Variants in RGS12 observed in about 807,000 individuals in gnomAD.
RGS12 encodes the protein regulator of G-protein signaling 12.
Under a neutral mutation model 120.1 loss-of-function variants are expected in RGS12, and 66 were observed. The observed-to-expected ratio is 0.55, with a 90% CI of 0.45 to 0.67. RGS12 has a LOEUF of 0.67. Among genes scored for constraint, RGS12 ranks in the 30% least tolerant of loss-of-function variants. The probability of loss-of-function intolerance (pLI) is 0.00; values close to 1 mark genes in which losing one functional copy is unlikely to be tolerated. For missense variants in RGS12, 1,859 were observed against 1,957.7 expected (o/e 0.95, Z 0.95); for synonymous variants, 827 against 804.7 (o/e 1.03, Z -0.47).
chr4:3,304,335 A>G (rs1180161436), intron 1 of RGS12, among the ~76,000 whole-genome samples: 1 of 152,234 alleles, frequency 6.6e-6, no homozygotes, highest in Non-Finnish European at 1.5e-5. Context: ...CCTGCTGCCT[A>G]AACGTAGGTT....
intron 4 of RGS12, among the ~76,000 whole-genome samples, chr4:3,405,723 A>T (rs939383198): frequency 6.6e-6 from 1 of 152,196 alleles, no homozygotes; most frequent in African/African-American, 2.4e-5. Context: ...GATAGTCTGG[A>T]AAAAGGTTGC....
At chr4:3,292,392 G>A (rs990745631), upstream of RGS12, among the ~76,000 whole-genome samples, 2 of 152,198 alleles carry the variant, frequency 1.3e-5, no homozygotes, top group East Asian at 3.9e-4. Context: ...CGCCTTCGCG[G>A]GCGTCCCGGG....
chr4:3,304,346 A>G (rs1209279373), intron 1 of RGS12, among the ~76,000 whole-genome samples: 1 of 152,216 alleles, frequency 6.6e-6, no homozygotes, highest in Admixed American at 6.5e-5. Flanking sequence ...AACGTAGGTT[A>G]TTAGTATTCA....
Position 3,361,691 on chromosome 4 carries a change from T to C in RGS12, c.1998+18638T>C, listed in dbSNP as rs570451103. 2.6e-5 allele frequency among the ~76,000 whole-genome samples: 4 copies of C among 152,232 alleles called. No homozygotes were observed. In the South Asian group the frequency reaches 8.3e-4, roughly 32 times the overall value. The stretch of plus-strand genomic sequence containing the variant: ...AAGAGGTGGAGGTCAGAGGATGACA[T>C]AGCTGCTCTGGGAATTGCAGGGGCG... On this transcript the variant is annotated intron_variant, in intron 3 of 17. Transcript: ENST00000336727.
intron 4 of RGS12, among the ~76,000 whole-genome samples, chr4:3,399,480 G>C (rs982749378): frequency 3.3e-5 from 5 of 152,028 alleles, no homozygotes; most frequent in Admixed American, 1.3e-4. Flanking sequence ...AGAGGAAGAG[G>C]ACAAAGATAA....
chr4:3,292,099 AC>A (rs1723054574), upstream of RGS12, among the ~76,000 whole-genome samples: 1 of 152,218 alleles, frequency 6.6e-6, no homozygotes, highest in Non-Finnish European at 1.5e-5. Flanking sequence ...TGGAGCGTGA[AC>A]AGCAGCGACG....
chr4:3,376,283 C>CAA (rs1232924983), intron 3 of RGS12, among the ~76,000 whole-genome samples: 1 of 122,408 alleles, frequency 8.2e-6, no homozygotes, highest in Non-Finnish European at 1.9e-5. Context: ...CACACACACA[C>CAA]ACACACACAC....
chr4:3,309,429 GCA>G (rs1724188004), intron 1 of RGS12, among the ~76,000 whole-genome samples: 1 of 141,990 alleles, frequency 7.0e-6, no homozygotes, highest in Non-Finnish European at 1.5e-5. Context: ...GGGGAACCGT[GCA>G]GGGGAGGAGC....
intron 2 of RGS12, among the ~76,000 whole-genome samples, chr4:3,331,388 A>G (rs1174151113): frequency 6.6e-6 from 1 of 152,184 alleles, no homozygotes; most frequent in Non-Finnish European, 1.5e-5. Context: ...GAATATGAAC[A>G]TATTTACTAA....
intron 3 of RGS12, among the ~76,000 whole-genome samples, chr4:3,362,612 C>T (rs1348986551): frequency 4.2e-5 from 4 of 96,244 alleles, no homozygotes; most frequent in Admixed American, 2.3e-4. Context: ...GCGAGGATGT[C>T]GTGAGGGGGT....
chr4:3,305,210 C>T (rs1723905965), intron 1 of RGS12, among the ~76,000 whole-genome samples: 1 of 152,198 alleles, frequency 6.6e-6, no homozygotes, highest in Non-Finnish European at 1.5e-5. Context: ...AAAACCTCAT[C>T]TTGGAAGTGA....
rs1722538626 is a variant in RGS12, at chr4:3,417,492, G to A, written c.2712G>A (p.Arg904=). 8 of 1,613,408 alleles carry A rather than the reference G, an allele frequency of 5.0e-6. No individual in the cohort carries two copies. In the East Asian group the frequency reaches 1.8e-4, roughly 36 times the overall value. Residue 904 remains arginine, a synonymous_variant, in exon 9 of 18, where the codon AGG becomes AGA. Transcript: ENST00000336727. ...KGAFFSWSRT[R]STGRSQKKRE... is the part of the protein sequence containing the mutation. ...CGTTTTTCTCGTGGTCGCGGACCAG[G>A]AGCACCGGGAGGTCCCAGAAAAAGA...
chr4:3,360,823 C>T (rs1225374850), intron 3 of RGS12, among the ~76,000 whole-genome samples: 1 of 152,158 alleles, frequency 6.6e-6, no homozygotes, highest in African/African-American at 2.4e-5. Context: ...CCTGAGAATG[C>T]AGCACGTCCA....
chr4:3,317,064 G>A lies in RGS12; in HGVS notation c.894G>A (p.Lys298=). Residue 298 remains lysine, a synonymous_variant, in exon 2 of 18, where the codon AAG becomes AAA. Transcript: ENST00000336727. The part of the protein sequence containing the change: ...AGVVAEYPAE[K]LAFSAVCPDD... Reference sequence around the variant, plus strand: ...TCGTGGCCGAGTACCCGGCCGAGAAGCTGGCCTTCAGCGCCGTGTGCCCGG... The same window carrying A: ...TCGTGGCCGAGTACCCGGCCGAGAAACTGGCCTTCAGCGCCGTGTGCCCGG... 1 of 1,613,706 alleles carries A rather than the reference G, an allele frequency of 6.2e-7. No homozygotes were observed. Among genetic ancestry groups the A allele is most frequent in the Non-Finnish European group, 8.5e-7 (1 of 1,180,048 alleles).
chr4:3,391,767 G>T (rs1210753489), intron 4 of RGS12, among the ~76,000 whole-genome samples: 1 of 142,364 alleles, frequency 7.0e-6, no homozygotes, highest in African/African-American at 3.1e-5. Flanking sequence ...GTGTTTGGGG[G>T]CCTCACCAGA....
At chr4:3,363,128 T>G (rs1715894195) in intron 3 of RGS12, among the ~76,000 whole-genome samples, 1 of 150,402 alleles carries the variant, frequency 6.6e-6, no homozygotes, top group Admixed American at 6.6e-5. Context: ...TGCGCATCAG[T>G]GAGTGTGGGG....
chr4:3,303,163 GT>G (rs879640225), intron 1 of RGS12, among the ~76,000 whole-genome samples: 1 of 152,232 alleles, frequency 6.6e-6, no homozygotes, highest in Non-Finnish European at 1.5e-5. Flanking sequence ...GCTGGACCCA[GT>G]GGGACAGGTG....
chr4:3,408,176 G>A (rs771389117), intron 4 of RGS12, among the ~76,000 whole-genome samples: 2 of 152,184 alleles, frequency 1.3e-5, no homozygotes, highest in African/African-American at 2.4e-5. Flanking sequence ...CATCCCTCCC[G>A]CGTTCTGGCC....
intron 4 of RGS12, among the ~76,000 whole-genome samples, chr4:3,387,775 T>C (rs374210617): frequency 1.3e-5 from 2 of 152,342 alleles, no homozygotes; most frequent in South Asian, 2.1e-4. Flanking sequence ...ACTTCTCCTT[T>C]CTGGCAGAAG....
Sources: gnomAD v4.1 joint callset for allele counts (sites outside exome capture counted in the v4.1 genomes callset) on GRCh38, gnomAD v4.1.1 for gene constraint, MANE v1.5 for transcripts, NCBI Gene and HGNC (gene_info 2026-07-23, HGNC 2026-07-21) for gene names.